TPD52: variants seen among roughly 807,000 people sequenced by gnomAD.
TPD52 encodes the protein tumor protein D52, also known as prostate and colon associated protein.
TPD52 carries 17 observed loss-of-function variants against 31.3 expected under a neutral mutation model. The observed-to-expected ratio is 0.54, with a 90% confidence interval of 0.37 to 0.82. TPD52 has a LOEUF of 0.82. Ranked by LOEUF, TPD52 falls within the 40% of genes least tolerant of loss-of-function variation. The pLI, the probability that TPD52 is intolerant of heterozygous loss-of-function variation, is 0.00. For missense variants in TPD52, 212 were observed against 240.1 expected, an observed-to-expected ratio of 0.88 and a Z score of 0.77; for synonymous variants, 83 against 89.6, an observed-to-expected ratio of 0.93 and a Z score of 0.42.
intron 2 of TPD52, 29 bp downstream of exon 2, chr8:80,064,449 A>C: frequency 1.3e-6 from 2 of 1,557,708 alleles, no homozygotes; most frequent in Non-Finnish European, 1.8e-6. Context: ...AAGTGCAAAA[A>C]TAAAGTTGCA....
Position 80,171,481 on chromosome 8 carries a change from C to T in TPD52, c.-38G>A. 6.4e-7 allele frequency: 1 copy of T among 1,558,468 alleles called. No homozygotes were observed. Among genetic ancestry groups the T allele is most frequent in the South Asian group, 1.2e-5 (1 of 86,652 alleles). ...CCGCCTCGTGTCCTCTGCAGCACCC[C>T]CGCCTGCAGCCCGTCCCGGCTCGGA... On this transcript the variant is annotated 5_prime_UTR_variant, in exon 1 of 8. Transcript: ENST00000518937.
intron 1 of TPD52, among the ~76,000 whole-genome samples, chr8:80,138,428 G>C (rs917684688): frequency 1.3e-5 from 2 of 152,198 alleles, no homozygotes; most frequent in Non-Finnish European, 1.5e-5. Flanking sequence ...CGTCTCCTTC[G>C]GCAGGTGCTG....
Position 80,148,317 on chromosome 8 carries a change from A to AGTGTGTGTGTGTGTGTGTGTGTGTGT in TPD52, c.19+23082_19+23107dup, listed in dbSNP as rs34231994. Among the ~76,000 whole-genome samples, 250 of 143,988 alleles carry AGTGTGTGTGTGTGTGTGTGTGTGTGT rather than the reference A, an allele frequency of 1.7e-3. 2 individuals carry two copies. Among genetic ancestry groups the AGTGTGTGTGTGTGTGTGTGTGTGTGT allele is most frequent in the African/African-American group, 6.3e-3 (238 of 37,750 alleles). 94.5% of individuals were successfully genotyped at this position (143,988 alleles called of 152,430 possible). Reference sequence around the variant, plus strand: ...ACAAGTGCACCACCATTCCTGGCTAAGTGTGTGTGTGTGTGTGTGTGTGTG... The same window carrying AGTGTGTGTGTGTGTGTGTGTGTGTGT: ...ACAAGTGCACCACCATTCCTGGCTAAGTGTGTGTGTGTGTGTGTGTGTGTGTGTGTGTGTGTGTGTGTGTGTGTGTG... On this transcript the variant is annotated intron_variant, in intron 1 of 7. Transcript: ENST00000518937.
chr8:80,072,315 A>ATGTGTGTGTGTGTGTG (rs1333429744), intron 1 of TPD52, among the ~76,000 whole-genome samples: 5 of 70,396 alleles, frequency 7.1e-5, no homozygotes, highest in Non-Finnish European at 1.4e-4. Flanking sequence ...TAAAAAACAT[A>ATGTGTGTGTGTGTGTG]TATGTGTGTG....
rs550585073 is a variant in TPD52 at position 80,147,660 on chromosome 8, T to TTGG, written c.19+23764_19+23765insCCA. ...CCCAGCCCCCACCATCATCCTTACA[T>TTGG]TTGCAGGGGTTGTTGAGCAGGGCAG... On this transcript the variant is annotated intron_variant, in intron 1 of 7. Coordinates refer to ENST00000518937, the MANE Select transcript of TPD52 (RefSeq NM_001025253.3). Among the ~76,000 whole-genome samples, 48 of 152,208 alleles carry TTGG rather than the reference T, an allele frequency of 3.2e-4. No homozygotes were observed. The South Asian group carries it at 9.8e-3, about 31-fold the overall frequency.
intron 4 of TPD52, 35 bp downstream of exon 4, chr8:80,051,492 A>C (rs1461898063): frequency 1.3e-6 from 2 of 1,578,330 alleles, no homozygotes; most frequent in African/African-American, 2.7e-5. Flanking sequence ...AATTTGCGTC[A>C]GCTACTTAAT....
At chr8:80,130,147 GA>G (rs1274317429) in intron 1 of TPD52, among the ~76,000 whole-genome samples, 1 of 152,204 alleles carries the variant, frequency 6.6e-6, no homozygotes, top group Non-Finnish European at 1.5e-5. Context: ...AGCATCTGCT[GA>G]GATGAAGAGG....
chr8:80,170,056 T>C (rs1224987064), intron 1 of TPD52, among the ~76,000 whole-genome samples: 3 of 152,178 alleles, frequency 2.0e-5, no homozygotes, highest in African/African-American at 7.2e-5. Flanking sequence ...AAGTCTGAAA[T>C]TAATCTGAAG....
intron 1 of TPD52, among the ~76,000 whole-genome samples, chr8:80,146,060 T>G (rs1323117974): frequency 1.3e-5 from 2 of 152,222 alleles, no homozygotes; most frequent in Admixed American, 6.5e-5. Context: ...CCACTTGCCC[T>G]GCCTACAGCC....
chr8:80,050,913 C>T (rs1811309808), intron 4 of TPD52, among the ~76,000 whole-genome samples: 1 of 151,346 alleles, frequency 6.6e-6, no homozygotes, highest in Admixed American at 6.6e-5. Flanking sequence ...CATCACTATC[C>T]TAATCCACAT....
intron 2 of TPD52, among the ~76,000 whole-genome samples, chr8:80,056,224 A>G (rs991482664): frequency 6.6e-6 from 1 of 152,238 alleles, no homozygotes; most frequent in Non-Finnish European, 1.5e-5. Flanking sequence ...AGCAACATGG[A>G]TGAGCCTAGA....
intron 1 of TPD52, among the ~76,000 whole-genome samples, chr8:80,107,730 C>T (rs1311173290): frequency 1.3e-5 from 2 of 151,692 alleles, no homozygotes; most frequent in Non-Finnish European, 2.9e-5. Context: ...CTCAGAAATG[C>T]AGAAACTGAC....
Position 80,055,616 on chromosome 8 carries a change from G to A in TPD52, c.136-2186C>T, listed in dbSNP as rs145861057. ...AGTGAAGAGATAACCTGTAGAATGG[G>A]AGAGAACATTTGCAAACTATTCATC... On this transcript the variant is annotated intron_variant, in intron 2 of 7. Transcript: ENST00000518937. Among the ~76,000 whole-genome samples, 210 of 152,296 alleles carry A rather than the reference G, an allele frequency of 1.4e-3. 1 individual carries two copies. In the East Asian group the frequency reaches 0.015, roughly 11 times the overall value.
intron 1 of TPD52, among the ~76,000 whole-genome samples, chr8:80,104,418 T>G (rs1333085898): frequency 9.3e-6 from 1 of 107,464 alleles, no homozygotes; most frequent in East Asian, 3.8e-4. Context: ...ATTGTTCACC[T>G]ACATACACAC....
In TPD52 at chr8:80,035,562, G is replaced by A. The variant is rs982598006; in HGVS notation, c.*2554C>T. Reference sequence around the variant, plus strand: ...CAATACTATACAAAAAATAGACTGTGCATATCTTAACAGATCCAGATCCAA... The same window carrying A: ...CAATACTATACAAAAAATAGACTGTACATATCTTAACAGATCCAGATCCAA... On this transcript the variant is annotated 3_prime_UTR_variant, in exon 8 of 8. Transcript: ENST00000518937. 2 of 152,154 alleles carry A rather than the reference G, an allele frequency of 1.3e-5. No individual in the cohort carries two copies. The highest frequency in any genetic ancestry group is 4.8e-5 in the African/African-American group (2 of 41,436). 9.4% of individuals were successfully genotyped at this position (152,154 alleles called of 1,614,324 possible).
At chr8:80,100,160 C>T (rs527514820) in intron 1 of TPD52, among the ~76,000 whole-genome samples, 2 of 152,254 alleles carry the variant, frequency 1.3e-5, no homozygotes, top group African/African-American at 2.4e-5. Context: ...AATCTCGCCT[C>T]CAAATTTTAA....
intron 1 of TPD52, among the ~76,000 whole-genome samples, chr8:80,077,316 A>G (rs1198046595): frequency 1.3e-5 from 2 of 151,940 alleles, no homozygotes; most frequent in African/African-American, 4.8e-5. Context: ...GATAGGTGCT[A>G]TGTAAATAAC....
intron 1 of TPD52, among the ~76,000 whole-genome samples, chr8:80,143,366 G>T (rs1244688969): frequency 6.6e-6 from 1 of 152,128 alleles, no homozygotes; most frequent in East Asian, 1.9e-4. Context: ...CCCGAATGAG[G>T]GTCCAGGGTT....
intron 1 of TPD52, among the ~76,000 whole-genome samples, chr8:80,132,888 C>A (rs1226083779): frequency 6.6e-6 from 1 of 152,120 alleles, no homozygotes; most frequent in Non-Finnish European, 1.5e-5. Flanking sequence ...AAGGAAGGGG[C>A]AAAAGGTTAC....
Sources: gnomAD v4.1 joint callset for allele counts (sites outside exome capture counted in the v4.1 genomes callset) on GRCh38, gnomAD v4.1.1 for gene constraint, MANE v1.5 for transcripts, NCBI Gene and HGNC (gene_info 2026-07-23, HGNC 2026-07-21) for gene names.